SOS1: variants seen among roughly 807,000 people sequenced by gnomAD.
SOS1 encodes the protein SOS Ras/Rac guanine nucleotide exchange factor 1, also known as son of sevenless homolog 1.
Under a neutral mutation model 157.6 loss-of-function variants are expected in SOS1, and 25 were observed. The ratio of observed to expected loss-of-function variants is 0.16; its 90% CI spans 0.12 to 0.22. The LOEUF is 0.22. SOS1 is among the 10% of genes least tolerant of loss of function. The pLI is 1.00. For synonymous variants in SOS1, 528 were observed against 534.0 expected (o/e 0.99, Z 0.16); for missense variants, 1,237 against 1,599.1 (o/e 0.77, Z 3.86).
intron 1 of SOS1, among the ~76,000 whole-genome samples, chr2:39,097,589 G>A (rs866941985): frequency 5.3e-5 from 8 of 149,976 alleles, no homozygotes; most frequent in South Asian, 4.2e-4. Flanking sequence ...ATGGGGTCTC[G>A]CTCTGTCACC....
At chr2:39,097,905 G>A (rs1334967694) in intron 1 of SOS1, among the ~76,000 whole-genome samples, 1 of 151,996 alleles carries the variant, frequency 6.6e-6, no homozygotes, top group Non-Finnish European at 1.5e-5. Flanking sequence ...TTTAAGTGCT[G>A]AACATTATTA....
intron 1 of SOS1, among the ~76,000 whole-genome samples, chr2:39,084,494 C>A (rs1227634222): frequency 6.6e-6 from 1 of 151,766 alleles, no homozygotes; most frequent in African/African-American, 2.4e-5. Flanking sequence ...CTGGGCAAGG[C>A]AGGGATGTGA....
At chr2:39,106,949 T>G (rs910467300) in intron 1 of SOS1, among the ~76,000 whole-genome samples, 1 of 152,244 alleles carries the variant, frequency 6.6e-6, no homozygotes, top group Non-Finnish European at 1.5e-5. Context: ...TGGTTTTGCA[T>G]ATTAAGTATT....
intron 2 of SOS1, among the ~76,000 whole-genome samples, chr2:39,061,218 G>A (rs1236927293): frequency 6.8e-6 from 1 of 147,660 alleles, no homozygotes; most frequent in Non-Finnish European, 1.5e-5. Flanking sequence ...AATGTCAAGG[G>A]TCAAAATGCA....
At chr2:39,058,126 C>T (rs574565737) in intron 3 of SOS1, among the ~76,000 whole-genome samples, 6 of 151,902 alleles carry the variant, frequency 3.9e-5, no homozygotes, top group African/African-American at 1.2e-4. Context: ...AATAGTAGTT[C>T]GTTACATTAA....
chr2:39,035,589 T>C, intron 6 of SOS1, 89 bp from the exon 7 acceptor site: 3 of 910,502 alleles, frequency 3.3e-6, no homozygotes, highest in Non-Finnish European at 5.4e-6. Flanking sequence ...GCGAGCACAA[T>C]TATGTATGTC....
chr2:39,072,187 T>C (rs888578266), intron 1 of SOS1, among the ~76,000 whole-genome samples: 3 of 152,190 alleles, frequency 2.0e-5, no homozygotes, highest in African/African-American at 2.4e-5. Flanking sequence ...ATTTCTGTTA[T>C]TGGGTTTATC....
chr2:39,088,038 T>C (rs1418110181), intron 1 of SOS1, among the ~76,000 whole-genome samples: 1 of 150,470 alleles, frequency 6.6e-6, no homozygotes, highest in Non-Finnish European at 1.5e-5. Flanking sequence ...CATTACCACA[T>C]GAAGTAATGT....
Position 39,013,877 on chromosome 2 carries a change from C to T in SOS1, c.2053G>A (p.Val685Met), listed in dbSNP as rs1669542128. The T allele has an allele frequency of 6.2e-7, 1 of 1,610,212 alleles. No individual in the cohort carries two copies. Among genetic ancestry groups the T allele is most frequent in the Non-Finnish European group, 8.5e-7 (1 of 1,176,910 alleles). ...KRFRKEYIQP[V>M]QLRVLNVCRH... ...TTATTTAATGCTTACCGCAGTTGCACAGGCTGTATATATTCTTTTCTAAAT... is the reference window on the plus strand; with the variant it reads ...TTATTTAATGCTTACCGCAGTTGCATAGGCTGTATATATTCTTTTCTAAAT... Residue 685 changes from valine (V) to methionine (M), a missense_variant, in exon 12 of 23, where the codon GTG becomes ATG. Physicochemically the swap from Val to Met is conservative, Grantham distance 21. Coordinates refer to ENST00000402219, the MANE Select transcript of SOS1 (RefSeq NM_005633.4).
At chr2:39,051,451 T>C (rs1275180442) in intron 5 of SOS1, 164 bp from the exon 6 acceptor site, 2 of 634,774 alleles carry the variant, frequency 3.2e-6, no homozygotes, top group Non-Finnish European at 5.5e-6. Flanking sequence ...CAAGAATTCC[T>C]TCTGCAAAGG....
At chr2:39,045,273 A>AGTGTGTGTGTGTGTGTGTGT (rs60673777) in intron 6 of SOS1, among the ~76,000 whole-genome samples, 10 of 108,048 alleles carry the variant, frequency 9.3e-5, no homozygotes, top group South Asian at 3.3e-4. Flanking sequence ...AGAGAGAGAG[A>AGTGTGTGTGTGTGTGTGTGT]GTGTGTGTGT....
At chr2:39,061,840 CATT>C (rs1281628226) in intron 2 of SOS1, among the ~76,000 whole-genome samples, 1 of 152,062 alleles carries the variant, frequency 6.6e-6, no homozygotes, top group Non-Finnish European at 1.5e-5. Context: ...CTCTGGGAAA[CATT>C]AATGAGATAC....
At chr2:39,115,065 C>T (rs1053952028) in intron 1 of SOS1, among the ~76,000 whole-genome samples, 2 of 152,158 alleles carry the variant, frequency 1.3e-5, no homozygotes, top group African/African-American at 4.8e-5. Flanking sequence ...AGCCCTTTTT[C>T]AGTCTTACTA....
At position 38,982,036 on chromosome 2, in the gene SOS1, T is replaced by G. The variant is rs1376051523; in HGVS notation, c.*3788A>C. The G allele has an allele frequency of 6.6e-6, 1 of 152,212 alleles. No individual in the cohort carries two copies. Among genetic ancestry groups the G allele is most frequent in the Non-Finnish European group, 1.5e-5 (1 of 68,042 alleles). The allele number at this position is 152,212 out of a possible 1,614,324, so 9.4% of individuals were successfully genotyped here. On this transcript the variant is annotated 3_prime_UTR_variant, in exon 23 of 23. Transcript: ENST00000402219. ...GCATCTGGCACAGGTGCGCTCTCCC[T>G]AAGCCACACCACATGTACCTTCCAT...
chr2:38,993,287 G>A (rs1668789336), intron 20 of SOS1: 1 of 152,326 alleles, frequency 6.6e-6, no homozygotes, highest in Non-Finnish European at 1.5e-5. Flanking sequence ...AGCCTCCCAA[G>A]TAGCTGGGAC....
In SOS1 at chr2:39,051,127, A is replaced by T. The variant is rs1671003179; in HGVS notation, c.864+17T>A. The T allele has an allele frequency of 6.2e-7, 1 of 1,612,630 alleles. No homozygotes were observed. The highest frequency in any genetic ancestry group is 1.1e-5 in the South Asian group (1 of 91,064). ...GCTTTTATGCAGACTTTTCGGGTATATAATTGAAGTACTTACCTCTGCTAA... is the reference window on the plus strand; with the variant it reads ...GCTTTTATGCAGACTTTTCGGGTATTTAATTGAAGTACTTACCTCTGCTAA... On this transcript the variant is annotated intron_variant, in intron 6 of 22. Transcript: ENST00000402219.
At position 38,985,842 on chromosome 2, in the gene SOS1, C is replaced by T; in HGVS notation, c.3984G>A (p.Glu1328=). 2 of 1,613,630 alleles carry T rather than the reference C, an allele frequency of 1.2e-6. No individual in the cohort carries two copies. Among genetic ancestry groups the T allele is most frequent in the Non-Finnish European group, 1.7e-6 (2 of 1,179,674 alleles). ...SMHRDGPPLL[E]NAHSS is the part of the protein sequence containing the mutation. ...GAGGAACTCAGGAAGAATGGGCATT[C>T]TCCAACAGTGGTGGTCCATCTCTGT... The change falls in exon 23 of 23, where the codon GAG becomes GAA. Residue 1328 remains glutamate (E), a synonymous_variant. Coordinates refer to ENST00000402219, the MANE Select transcript of SOS1 (RefSeq NM_005633.4).
Position 39,023,266 on chromosome 2 carries a change from G to C in SOS1, c.1203-41C>G, listed in dbSNP as rs568590951. 28 of 1,481,568 alleles carry C rather than the reference G, an allele frequency of 1.9e-5. 1 individual carries two copies. In the South Asian group the frequency reaches 2.9e-4, roughly 15 times the overall value. The allele number at this position is 1,481,568 out of a possible 1,614,324, so 91.8% of individuals were successfully genotyped here. A position where few individuals can be genotyped will look rare whatever the true frequency, so the allele number is the denominator to read the frequency against. ...AGACATTATTAGTACATAGATGACAGAAAACCTAGAGCTCATGTAAGTAAG... is the reference window on the plus strand; with the variant it reads ...AGACATTATTAGTACATAGATGACACAAAACCTAGAGCTCATGTAAGTAAG... On this transcript the variant is annotated intron_variant, in intron 9 of 22. Transcript: ENST00000402219.
intron 17 of SOS1, among the ~76,000 whole-genome samples, chr2:38,999,363 T>C (rs549388171): frequency 2.6e-5 from 4 of 152,280 alleles, no homozygotes; most frequent in African/African-American, 9.6e-5. Flanking sequence ...CTAAATGCTT[T>C]TGTGGTAGAG....
Sources: gnomAD v4.1 joint callset for allele counts (sites outside exome capture counted in the v4.1 genomes callset) on GRCh38, gnomAD v4.1.1 for gene constraint, MANE v1.5 for transcripts, NCBI Gene and HGNC (gene_info 2026-07-23, HGNC 2026-07-21) for gene names.